The following CREB5 variants were observed in gnomAD, a reference collection of about 807,000 sequenced individuals.
CREB5 encodes the protein cAMP responsive element binding protein 5.
A neutral mutation model predicts 57.1 loss-of-function variants in CREB5; 19 were observed. That is an observed-to-expected ratio of 0.33 (90% CI 0.23 to 0.49). The LOEUF (loss-of-function observed/expected upper bound fraction) is 0.49, where lower values mean the gene tolerates loss of function less well. Ranked by LOEUF, CREB5 falls within the 20% of genes least tolerant of loss-of-function variation. CREB5 has a pLI of 0.99. For synonymous variants in CREB5, 238 were observed against 238.3 expected, an observed-to-expected ratio of 1.00 and a Z score of 0.01; for missense variants, 579 against 671.6, an observed-to-expected ratio of 0.86 and a Z score of 1.52.
intron 7 of CREB5, among the ~76,000 whole-genome samples, chr7:28,731,499 G>A (rs1214450706): frequency 6.6e-6 from 1 of 152,120 alleles, no homozygotes; most frequent in Non-Finnish European, 1.5e-5. Context: ...GGGAGTTCGG[G>A]GATTCTTTTG....
intron 1 of CREB5, among the ~76,000 whole-genome samples, chr7:28,487,316 A>T (rs1343003622): frequency 6.6e-6 from 1 of 152,086 alleles, no homozygotes; most frequent in Non-Finnish European, 1.5e-5. Context: ...AACATTAGCG[A>T]TCCTCCTGCC....
At chr7:28,528,570 G>A (rs1479195546) in intron 4 of CREB5, among the ~76,000 whole-genome samples, 3 of 151,996 alleles carry the variant, frequency 2.0e-5, no homozygotes, top group Non-Finnish European at 4.4e-5. Context: ...CAAGTGTGGT[G>A]GCACATGCCT....
intron 5 of CREB5, among the ~76,000 whole-genome samples, chr7:28,597,630 G>A (rs1429691008): frequency 6.6e-6 from 1 of 152,134 alleles, no homozygotes; most frequent in Non-Finnish European, 1.5e-5. Context: ...CCAGATTGAG[G>A]TGGAATTAAT....
At chr7:28,365,995 C>T (rs996836804) in intron 1 of CREB5, among the ~76,000 whole-genome samples, 2 of 152,100 alleles carry the variant, frequency 1.3e-5, no homozygotes, top group Admixed American at 1.3e-4. Flanking sequence ...TTATATGGTT[C>T]TTTTTAAATG....
chr7:28,389,585 T>G (rs1193437131), intron 1 of CREB5, among the ~76,000 whole-genome samples: 1 of 152,138 alleles, frequency 6.6e-6, no homozygotes, highest in Non-Finnish European at 1.5e-5. Flanking sequence ...GTTGTGGGTT[T>G]AAAACTTCCT....
intron 1 of CREB5, among the ~76,000 whole-genome samples, chr7:28,395,373 C>T (rs1963815): frequency 0.46 from 69,784 of 152,026 alleles, 18,454 homozygotes; most frequent in African/African-American, 0.73. Context: ...ACATGATTTA[C>T]AGTAGGTGAA....
chr7:28,409,117 C>T (rs1395419229), upstream of CREB5, among the ~76,000 whole-genome samples: 1 of 151,736 alleles, frequency 6.6e-6, no homozygotes, highest in Admixed American at 6.5e-5. This position sits in a 1 kb window ranked among gnomAD's most constrained non-coding sequence, Gnocchi z 4.4. Context: ...CGGCGCTGGG[C>T]TCTGCAAGCT....
At position 28,488,208 on chromosome 7, in the gene CREB5, G is replaced by A; in HGVS notation, c.37G>A (p.Glu13Lys). The change falls in exon 2 of 11, where the codon GAG becomes AAG. Residue 13 changes from glutamate (E) to lysine (K), a missense_variant. By Grantham distance (56) the Glu-to-Lys change is moderately conservative. Coordinates refer to ENST00000357727, the MANE Select transcript of CREB5 (RefSeq NM_182898.4). ...GGAATCCAAGATGAATTTGGAGCAG[G>A]AGAGGCCGTTTGTCTGCAGTGCCCC... is the stretch of plus-strand genomic sequence containing the variant. ...YEESKMNLEQ[E>K]RPFVCSAPGC... 6.2e-7 allele frequency: 1 copy of A among 1,613,920 alleles called. No homozygotes were observed. The highest frequency in any genetic ancestry group is 8.5e-7 in the Non-Finnish European group (1 of 1,179,898).
At position 28,319,678 on chromosome 7, in the gene CREB5, A is replaced by G. The variant is rs548259890; in HGVS notation, c.-25+20237A>G. ...AAGAGTGCCCCACCATTTCCCCATC[A>G]AGTCCAAAGGCAGCACCAGAAGGGT... On this transcript the variant is annotated intron_variant, in intron 1 of 9. Transcript: ENST00000396299. 5.4e-4 allele frequency among the ~76,000 whole-genome samples: 82 copies of G among 152,052 alleles called. 1 individual carries two copies. The South Asian group carries it at 0.016, about 30-fold the overall frequency.
intron 7 of CREB5, among the ~76,000 whole-genome samples, chr7:28,777,733 G>A (rs938101409): frequency 6.6e-6 from 1 of 151,896 alleles, no homozygotes; most frequent in Non-Finnish European, 1.5e-5. Flanking sequence ...TATTTCTTTT[G>A]AATTTTTTGA....
chr7:28,541,917 C>A lies in CREB5; in HGVS notation c.292-28448C>A, dbSNP rs537535060. Among the ~76,000 whole-genome samples, 4 of 152,240 alleles carry A rather than the reference C, an allele frequency of 2.6e-5. No homozygotes were observed. In the East Asian group the frequency reaches 7.7e-4, roughly 29 times the overall value. Reference sequence around the variant, plus strand: ...ATTCAAAGGTTAGGGCTATCCTGACCATTCTCTCTTGTTTCTATGGAGAAT... The same window carrying A: ...ATTCAAAGGTTAGGGCTATCCTGACAATTCTCTCTTGTTTCTATGGAGAAT... On this transcript the variant is annotated intron_variant, in intron 4 of 10. Transcript: ENST00000357727.
At chr7:28,760,746 G>C (rs556353174) in intron 7 of CREB5, among the ~76,000 whole-genome samples, 54 of 152,270 alleles carry the variant, frequency 3.5e-4, no homozygotes, top group Non-Finnish European at 6.9e-4. Flanking sequence ...AGAAGAAAAA[G>C]AAAGTAGTAA....
chr7:28,796,517 A>G (rs1057299603), intron 7 of CREB5, among the ~76,000 whole-genome samples: 1 of 152,194 alleles, frequency 6.6e-6, no homozygotes, highest in Non-Finnish European at 1.5e-5. Context: ...TATGGTTTAC[A>G]CAGATTCTCA....
chr7:28,743,011 T>C (rs1311101574), intron 7 of CREB5, among the ~76,000 whole-genome samples: 1 of 152,210 alleles, frequency 6.6e-6, no homozygotes, highest in Non-Finnish European at 1.5e-5. Flanking sequence ...CTTGAACTCC[T>C]GACCTCAAGT....
intron 6 of CREB5, among the ~76,000 whole-genome samples, chr7:28,723,035 C>A (rs1803129252): frequency 6.6e-6 from 1 of 152,224 alleles, no homozygotes; most frequent in African/African-American, 2.4e-5. Flanking sequence ...TTTCAGTCCT[C>A]CACTCTTTGA....
chr7:28,512,096 G>A (rs949664917), intron 4 of CREB5, among the ~76,000 whole-genome samples: 4 of 152,160 alleles, frequency 2.6e-5, no homozygotes, highest in Non-Finnish European at 4.4e-5. Context: ...TGGAAGGATG[G>A]GATTGCCTGT....
At chr7:28,343,502 C>T (rs1388544913) in intron 1 of CREB5, among the ~76,000 whole-genome samples, 1 of 151,000 alleles carries the variant, frequency 6.6e-6, no homozygotes, top group Non-Finnish European at 1.5e-5. Context: ...TCCCTAGCTT[C>T]ATTCATATTA....
In CREB5 at chr7:28,390,042, G is replaced by GA. The variant is rs1562687848; in HGVS notation, c.-25+90601_-25+90602insA. Among the ~76,000 whole-genome samples the GA allele has an allele frequency of 8.5e-5, 11 of 129,146 alleles. No individual in the cohort carries two copies. In the South Asian group the frequency reaches 2.4e-3, roughly 28 times the overall value. 84.7% of individuals were successfully genotyped at this position (129,146 alleles called of 152,430 possible). A position where few individuals can be genotyped will look rare whatever the true frequency, so the allele number is the denominator to read the frequency against. ...ATAACGTATTTCATGTCAAGTAGGA[G>GA]GGTTTTTTTTTTTTTCAAACTCTTA... On this transcript the variant is annotated intron_variant, in intron 1 of 9. Coordinates refer to the CREB5 transcript ENST00000396299.
chr7:28,477,981 G>C (rs1791152804), intron 1 of CREB5, among the ~76,000 whole-genome samples: 1 of 152,074 alleles, frequency 6.6e-6, no homozygotes, highest in Non-Finnish European at 1.5e-5. Flanking sequence ...GGGTGTGGTG[G>C]TGCACACCTG....
Sources: gnomAD v4.1 joint callset for allele counts (sites outside exome capture counted in the v4.1 genomes callset) on GRCh38, gnomAD v4.1.1 for gene constraint, Gnocchi (gnomAD v3.1) non-coding constraint, MANE v1.5 for transcripts, NCBI Gene and HGNC (gene_info 2026-07-23, HGNC 2026-07-21) for gene names.